PINK1: variants seen among roughly 807,000 people sequenced by gnomAD.
PINK1 encodes the protein PTEN induced kinase 1, also known as serine/threonine-protein kinase PINK1, mitochondrial.
In PINK1, 58 loss-of-function variants were observed where a neutral mutation model predicts 56.0. That is an observed-to-expected ratio of 1.04 (90% CI 0.84 to 1.29). PINK1 has a LOEUF of 1.29. PINK1 is among the 50% of genes most tolerant of loss of function. PINK1 has a pLI of 0.00. For missense variants in PINK1, 745 were observed against 777.9 expected (o/e 0.96, Z 0.50); for synonymous variants, 354 against 339.3 (o/e 1.04, Z -0.48).
At chr1:20,635,917 G>C (rs1015243147) in intron 1 of PINK1, among the ~76,000 whole-genome samples, 1 of 151,938 alleles carries the variant, frequency 6.6e-6, no homozygotes, top group East Asian at 1.9e-4. Flanking sequence ...CTATAATCCT[G>C]GTGCTTTGGG....
intron 1 of PINK1, among the ~76,000 whole-genome samples, chr1:20,635,656 G>A (rs2874257): frequency 0.84 from 127,257 of 151,424 alleles, 53,739 homozygotes; most frequent in Middle Eastern, 0.9. Context: ...AGACCATCCT[G>A]GCTAACATGG....
rs202130946 is a variant in PINK1, at chr1:20,648,618, C to G, written c.1237C>G (p.Leu413Val). 1 of 1,613,972 alleles carries G rather than the reference C, an allele frequency of 6.2e-7. No individual in the cohort carries two copies. The highest frequency in any genetic ancestry group is 2.2e-5 in the East Asian group (1 of 44,884). The change falls in exon 6 of 8, where the codon CTG (leucine) becomes GTG (valine). Residue 413 changes from leucine to valine, a missense_variant. Physicochemically the swap from Leu to Val is conservative, Grantham distance 32 (BLOSUM62 1). Transcript: ENST00000321556. ...WYVDRGGNGC[L>V]MAPEVSTARP... is the part of the protein sequence containing the mutation. ...CGTGGATCGGGGCGGAAACGGCTGTCTGATGGCCCCAGAGGTGAGTCCCGA... is the reference window on the plus strand; with the variant it reads ...CGTGGATCGGGGCGGAAACGGCTGTGTGATGGCCCCAGAGGTGAGTCCCGA...
chr1:20,648,227 T>A, intron 5 of PINK1: 1 of 480,452 alleles, frequency 2.1e-6, no homozygotes, highest in Non-Finnish European at 3.8e-6. Context: ...CTAGCTCCTT[T>A]GGTCTTGGGG....
chr1:20,649,397 G>A (rs1244636187), intron 7 of PINK1, 166 bp downstream of exon 7: 2 of 673,158 alleles, frequency 3.0e-6, no homozygotes, highest in East Asian at 2.7e-5. Context: ...GTAGGTAGGA[G>A]TAGGAGCACT....
intron 1 of PINK1, among the ~76,000 whole-genome samples, chr1:20,636,068 G>A (rs1288657603): frequency 6.6e-6 from 1 of 151,972 alleles, no homozygotes; most frequent in Non-Finnish European, 1.5e-5. Flanking sequence ...TTAGGAGGCT[G>A]AGGTGGGTGG....
intron 5 of PINK1, 38 bp downstream of exon 5, chr1:20,645,761 A>C: frequency 6.2e-7 from 1 of 1,613,650 alleles, no homozygotes. Context: ...CTCCAGGGGC[A>C]CTAGAGGGTG....
chr1:20,645,845 C>T (rs1196449911), intron 5 of PINK1, 122 bp downstream of exon 5: 7 of 1,331,756 alleles, frequency 5.3e-6, no homozygotes. Flanking sequence ...TTATTTAGCT[C>T]CGCACACAAG....
intron 1 of PINK1, among the ~76,000 whole-genome samples, chr1:20,635,574 C>T (rs1323162531): frequency 2.0e-5 from 3 of 151,640 alleles, no homozygotes; most frequent in Admixed American, 1.3e-4. Flanking sequence ...CTGGGCCGGG[C>T]GGGGTGGCTC....
At chr1:20,646,309 A>T (rs2053180574) in intron 5 of PINK1, among the ~76,000 whole-genome samples, 1 of 152,058 alleles carries the variant, frequency 6.6e-6, no homozygotes, top group South Asian at 2.1e-4. Flanking sequence ...AAAATAATAA[A>T]AAATAATAAA....
chr1:20,639,526 A>G (rs1033204937), intron 2 of PINK1: 3 of 345,050 alleles, frequency 8.7e-6, no homozygotes, highest in African/African-American at 4.2e-5. Context: ...CTGGCTGCTG[A>G]AGGGAGCCTG....
chr1:20,634,195 A>G (rs1160935452), intron 1 of PINK1, among the ~76,000 whole-genome samples: 1 of 152,168 alleles, frequency 6.6e-6, no homozygotes, highest in East Asian at 1.9e-4. Context: ...GCAGCACAGC[A>G]AAAGGCTTTG....
In PINK1 at chr1:20,637,835, A is replaced by G. The variant is rs2298298; in HGVS notation, c.388-7A>G. 0.87 allele frequency: 1,402,175 copies of G among 1,613,594 alleles called. 610,562 individuals are homozygous for G. The highest frequency in any genetic ancestry group is 0.91 in the Middle Eastern group (5,279 of 5,798). On this transcript the variant is annotated splice_polypyrimidine_tract_variant and splice_region_variant and intron_variant, in intron 1 of 7. Transcript: ENST00000321556. The stretch of plus-strand genomic sequence containing the variant: ...CTGGCTCACGGTGCATTCTTTTCTC[A>G]TCACAGGCAATTTTTACCCAGAAAA...
intron 5 of PINK1, among the ~76,000 whole-genome samples, chr1:20,646,259 G>T (rs1024320940): frequency 7.2e-5 from 11 of 152,078 alleles, no homozygotes; most frequent in Non-Finnish European, 1.5e-4. Context: ...ATGTGCCACT[G>T]TACTCCAGCC....
Position 20,650,958 on chromosome 1 carries a change from G to A in PINK1, c.*267G>A. ...GGAGGGGTAGGCCTGCATCCACAGA[G>A]AGGATCCAGGCCAAGGCACTGGCTG... On this transcript the variant is annotated 3_prime_UTR_variant, in exon 8 of 8. Coordinates refer to ENST00000321556, the MANE Select transcript of PINK1 (RefSeq NM_032409.3). 1 of 508,486 alleles carries A rather than the reference G, an allele frequency of 2.0e-6. No individual in the cohort carries two copies. The highest frequency in any genetic ancestry group is 2.0e-5 in the South Asian group (1 of 48,914). 31.5% of individuals were successfully genotyped at this position (508,486 alleles called of 1,614,324 possible). A position where few individuals can be genotyped will look rare whatever the true frequency, so the allele number is the denominator to read the frequency against.
In PINK1 at chr1:20,648,612, G is replaced by A. The variant is rs45478900; in HGVS notation, c.1231G>A (p.Gly411Ser). 1,879 of 1,613,978 alleles carry A rather than the reference G, an allele frequency of 1.2e-3. 4 individuals carry two copies. Among genetic ancestry groups the A allele is most frequent in the Non-Finnish European group, 9.8e-4 (1,153 of 1,180,038 alleles). The part of the protein sequence containing the change: ...SSWYVDRGGN[G>S]CLMAPEVSTA... ...CTGGTACGTGGATCGGGGCGGAAAC[G>A]GCTGTCTGATGGCCCCAGAGGTGAG... Residue 411 changes from glycine (G) to serine (S), a missense_variant, in exon 6 of 8, where the codon GGC (glycine) becomes AGC (serine). Gly to Ser is a moderately conservative substitution (Grantham distance 56, BLOSUM62 0). Coordinates refer to ENST00000321556, the MANE Select transcript of PINK1 (RefSeq NM_032409.3).
intron 3 of PINK1, among the ~76,000 whole-genome samples, chr1:20,640,786 C>G (rs1167205931): frequency 6.6e-6 from 1 of 152,120 alleles, no homozygotes; most frequent in Non-Finnish European, 1.5e-5. Flanking sequence ...GCCTGTAATC[C>G]CAGCACTTTG....
rs201501746 is a variant in PINK1 at position 20,646,315 on chromosome 1, ATAAAG to A, written c.1123+597_1123+601del. The stretch of plus-strand genomic sequence containing the variant: ...TATCTCAAAAAAATAATAAAAAATA[ATAAAG>A]TAAAAGAGAAGTAGACTTTAGCTCA... On this transcript the variant is annotated intron_variant, in intron 5 of 7. Coordinates refer to ENST00000321556, the MANE Select transcript of PINK1 (RefSeq NM_032409.3). Among the ~76,000 whole-genome samples, 550 of 152,186 alleles carry A rather than the reference ATAAAG, an allele frequency of 3.6e-3. 6 individuals are homozygous for A. The highest frequency in any genetic ancestry group is 0.012 in the African/African-American group (489 of 41,528).
rs1301394093 is a variant in PINK1 at position 20,637,778 on chromosome 1, T to C, written c.388-64T>C. 7 of 1,205,726 alleles carry C rather than the reference T, an allele frequency of 5.8e-6. No individual in the cohort carries two copies. The Admixed American group carries it at 9.5e-5, about 16-fold the overall frequency. 74.7% of individuals were successfully genotyped at this position (1,205,726 alleles called of 1,614,324 possible). A position where few individuals can be genotyped will look rare whatever the true frequency, so the allele number is the denominator to read the frequency against. ...TTGCTGCACCTCTCTCTGCCTCCCCTGTTTCCCTTTTCTTGGGCCTTCCTA... is the reference window on the plus strand; with the variant it reads ...TTGCTGCACCTCTCTCTGCCTCCCCCGTTTCCCTTTTCTTGGGCCTTCCTA... On this transcript the variant is annotated intron_variant, in intron 1 of 7. Coordinates refer to ENST00000321556, the MANE Select transcript of PINK1 (RefSeq NM_032409.3).
At position 20,650,741 on chromosome 1, in the gene PINK1, T is replaced by C; in HGVS notation, c.*50T>C. ...TACTAAAAGAACATGGCATCCTCTG[T>C]GTCGTGATGGTCTGTGAATGGTGAG... On this transcript the variant is annotated 3_prime_UTR_variant, in exon 8 of 8. Transcript: ENST00000321556. 3 of 1,593,792 alleles carry C rather than the reference T, an allele frequency of 1.9e-6. No individual in the cohort carries two copies. The highest frequency in any genetic ancestry group is 2.6e-6 in the Non-Finnish European group (3 of 1,173,778).
Sources: allele counts gnomAD v4.1 joint callset (sites outside exome capture counted in the v4.1 genomes callset), GRCh38; gene constraint gnomAD v4.1.1; transcripts MANE v1.5; gene names NCBI Gene and HGNC (gene_info 2026-07-23, HGNC 2026-07-21).